INTS3: variants seen among roughly 807,000 people sequenced by gnomAD.
INTS3 encodes integrator complex subunit 3.
INTS3 carries 34 observed loss-of-function variants against 146.3 expected under a neutral mutation model. The ratio of observed to expected loss-of-function variants is 0.23; its 90% CI spans 0.18 to 0.31. The LOEUF is 0.31. INTS3 is among the 10% of genes least tolerant of loss of function. INTS3 has a pLI of 1.00. For missense variants in INTS3, 757 were observed against 1,304.2 expected (o/e 0.58, Z 6.46); for synonymous variants, 475 against 494.9 (o/e 0.96, Z 0.53).
In INTS3 at chr1:153,758,526, T is replaced by A. The variant is rs114718159; in HGVS notation, c.1149+763T>A. On this transcript the variant is annotated intron_variant, in intron 10 of 29. Coordinates refer to ENST00000318967, the MANE Select transcript of INTS3 (RefSeq NM_023015.5). ...GCTGGATGTATCAAGAACCCAGGCC[T>A]GCCGAGCACGGTGGCTCACGCCTGT... Among the ~76,000 whole-genome samples the A allele has an allele frequency of 5.9e-5, 9 of 152,214 alleles. No individual in the cohort carries two copies. In the East Asian group the frequency reaches 1.7e-3, roughly 29 times the overall value.
At chr1:153,754,466 C>A (rs1434141730) in intron 8 of INTS3, among the ~76,000 whole-genome samples, 176 bp from the exon 9 acceptor site, 1 of 152,186 alleles carries the variant, frequency 6.6e-6, no homozygotes, top group East Asian at 1.9e-4. Flanking sequence ...TGGAGCAGAA[C>A]ACGTAAGTGC....
rs567852774 is a variant in INTS3 at position 153,767,873 on chromosome 1, C to T, written c.2244+46C>T. On this transcript the variant is annotated intron_variant, in intron 21 of 29. Transcript: ENST00000318967. Reference sequence around the variant, plus strand: ...CTGTGCCGGGGGGCTCACAGGAACACACCTCAGTGAACACTCTGAGTACAC... The same window carrying T: ...CTGTGCCGGGGGGCTCACAGGAACATACCTCAGTGAACACTCTGAGTACAC... 3.1e-5 allele frequency: 48 copies of T among 1,546,390 alleles called. No individual in the cohort carries two copies. In the South Asian group the frequency reaches 4.7e-4, roughly 15 times the overall value.
chr1:153,751,466 C>T (rs1186949094), intron 7 of INTS3, among the ~76,000 whole-genome samples: 1 of 152,162 alleles, frequency 6.6e-6, no homozygotes, highest in Non-Finnish European at 1.5e-5. Context: ...TTTGGGATTT[C>T]CCTGGTCAGC....
intron 22 of INTS3, 131 bp from the exon 23 acceptor site, chr1:153,769,638 C>T: frequency 1.5e-6 from 1 of 647,024 alleles, no homozygotes; most frequent in Admixed American, 2.6e-5. Context: ...CCTTCCCATT[C>T]CTTTAAACTG....
In INTS3 at chr1:153,758,495, T is replaced by C. The variant is rs568390029; in HGVS notation, c.1149+732T>C. ...TTGTCCCCTATGGGAATCAGAGATA[T>C]GAACTGCTGGATGTATCAAGAACCC... On this transcript the variant is annotated intron_variant, in intron 10 of 29. Coordinates refer to ENST00000318967, the MANE Select transcript of INTS3 (RefSeq NM_023015.5). Among the ~76,000 whole-genome samples, 26 of 152,286 alleles carry C rather than the reference T, an allele frequency of 1.7e-4. No individual in the cohort carries two copies. The East Asian group carries it at 5.0e-3, about 29-fold the overall frequency.
rs1006556411 is a variant in INTS3 at position 153,772,270 on chromosome 1, C to A, written c.2721-70C>A. The A allele has an allele frequency of 3.3e-6, 5 of 1,534,680 alleles. No individual in the cohort carries two copies. The highest frequency in any genetic ancestry group is 2.3e-5 in the East Asian group (1 of 44,346). On this transcript the variant is annotated intron_variant, in intron 26 of 29. Transcript: ENST00000318967. This position sits in a 1 kb window ranked among gnomAD's most constrained non-coding sequence, Gnocchi z 4.6. Reference sequence around the variant, plus strand: ...TGCCTCTGTCTTAAGGGGGCCCTGGCGGGTGGAGGGTGTCTCGCACTCTGG... The same window carrying A: ...TGCCTCTGTCTTAAGGGGGCCCTGGAGGGTGGAGGGTGTCTCGCACTCTGG...
At chr1:153,763,955 AG>A (rs1224510664) in intron 17 of INTS3, 69 bp downstream of exon 17, 1 of 1,483,634 alleles carries the variant, frequency 6.7e-7, no homozygotes, top group African/African-American at 1.4e-5. Flanking sequence ...CTCCCAGGGA[AG>A]ACAACTCACT....
intron 9 of INTS3, 41 bp downstream of exon 9, chr1:153,754,780 G>C (rs1672099252): frequency 7.7e-7 from 1 of 1,298,348 alleles, no homozygotes; most frequent in African/African-American, 1.5e-5. Context: ...GTCACACGCT[G>C]GCTGGGCTTC....
intron 3 of INTS3, among the ~76,000 whole-genome samples, chr1:153,746,072 A>G (rs1671723708): frequency 6.6e-6 from 1 of 152,230 alleles, no homozygotes; most frequent in South Asian, 2.1e-4. Flanking sequence ...GACCCCAAGT[A>G]TAAAAAAACT....
Position 153,773,314 on chromosome 1 carries a change from C to T in INTS3, c.*44C>T. Reference sequence around the variant, plus strand: ...CCACCCCCGGCTGGACTGCCCTCTCCTTCTTGGTGATTCAAAGGTTAATAG... The same window carrying T: ...CCACCCCCGGCTGGACTGCCCTCTCTTTCTTGGTGATTCAAAGGTTAATAG... On this transcript the variant is annotated 3_prime_UTR_variant, in exon 30 of 30. Coordinates refer to ENST00000318967, the MANE Select transcript of INTS3 (RefSeq NM_023015.5). 6.5e-7 allele frequency: 1 copy of T among 1,545,744 alleles called. No individual in the cohort carries two copies. The highest frequency in any genetic ancestry group is 8.9e-7 in the Non-Finnish European group (1 of 1,117,716).
intron 1 of INTS3, among the ~76,000 whole-genome samples, chr1:153,731,023 A>C (rs1671039817): frequency 6.6e-6 from 1 of 152,076 alleles, no homozygotes; most frequent in Non-Finnish European, 1.5e-5. Context: ...TTCCCATCAC[A>C]GACCTACCTA....
At position 153,773,279 on chromosome 1, in the gene INTS3, A is replaced by C. The variant is rs1343746269; in HGVS notation, c.*9A>C. On this transcript the variant is annotated 3_prime_UTR_variant, in exon 30 of 30. Coordinates refer to ENST00000318967, the MANE Select transcript of INTS3 (RefSeq NM_023015.5). ...GCTCTGACAGTGACTGAGGCCCTGC[A>C]TTCCCCATCCCACCCCCGGCTGGAC... 2 of 1,612,780 alleles carry C rather than the reference A, an allele frequency of 1.2e-6. No homozygotes were observed. Among genetic ancestry groups the C allele is most frequent in the South Asian group, 1.1e-5 (1 of 91,054 alleles).
At position 153,764,745 on chromosome 1, in the gene INTS3, A is replaced by G; in HGVS notation, c.1970+11A>G. On this transcript the variant is annotated intron_variant, in intron 19 of 29. Transcript: ENST00000318967. ...GTACCTAATATTTAGGTAAGCACGC[A>G]GCTATAGGAGATACTGTTCTACCCT... The G allele has an allele frequency of 1.3e-6, 2 of 1,599,680 alleles. No homozygotes were observed. Among genetic ancestry groups the G allele is most frequent in the South Asian group, 2.2e-5 (2 of 90,768 alleles).
chr1:153,767,621 T>A, intron 20 of INTS3, 53 bp from the exon 21 acceptor site: 1 of 1,502,946 alleles, frequency 6.7e-7, no homozygotes, highest in South Asian at 1.3e-5. Flanking sequence ...CGGGGATGCT[T>A]GAAGGTGGGC....
intron 1 of INTS3, among the ~76,000 whole-genome samples, chr1:153,729,166 ATGTT>A (rs1670971956): frequency 6.6e-6 from 1 of 152,166 alleles, no homozygotes; most frequent in South Asian, 2.1e-4. Flanking sequence ...GTCTGTGTAG[ATGTT>A]TGGGGGCTGG....
chr1:153,768,996 G>T lies in INTS3; in HGVS notation c.2313+35G>T, dbSNP rs1055520954. ...GAGCTCTGACCTCCCCAGAAGATCT[G>T]GGAGGCAGCATTAGGGACATAGGGC... On this transcript the variant is annotated intron_variant, in intron 22 of 29. Transcript: ENST00000318967. 4 of 1,566,834 alleles carry T rather than the reference G, an allele frequency of 2.6e-6. No homozygotes were observed. In the East Asian group the frequency reaches 9.0e-5, roughly 35 times the overall value.
intron 15 of INTS3, 30 bp from the exon 16 acceptor site, chr1:153,763,203 C>T (rs761240062): frequency 1.9e-6 from 3 of 1,614,078 alleles, no homozygotes; most frequent in African/African-American, 2.7e-5. Flanking sequence ...TCTGGGCAAA[C>T]TGACTTCTTT....
rs1395560510 is a variant in INTS3 at position 153,761,809 on chromosome 1, T to C, written c.1516+133T>C. The C allele has an allele frequency of 1.4e-5, 8 of 571,152 alleles. No homozygotes were observed. The East Asian group carries it at 2.1e-4, about 15-fold the overall frequency. 35.4% of individuals were successfully genotyped at this position (571,152 alleles called of 1,614,324 possible). A position where few individuals can be genotyped will look rare whatever the true frequency, so the allele number is the denominator to read the frequency against. On this transcript the variant is annotated intron_variant, in intron 14 of 29. Coordinates refer to ENST00000318967, the MANE Select transcript of INTS3 (RefSeq NM_023015.5). ...GACACTGTCCATCACAGTTTTTCCT[T>C]CCTCAGTTTATCTTTTTTATTCATT...
intron 7 of INTS3, 30 bp from the exon 8 acceptor site, chr1:153,752,249 C>T (rs947836189): frequency 6.2e-7 from 1 of 1,609,144 alleles, no homozygotes. Flanking sequence ...TATTCTCTTT[C>T]CTGTCCCCCA....
Sources: allele counts gnomAD v4.1 joint callset (sites outside exome capture counted in the v4.1 genomes callset), GRCh38; gene constraint gnomAD v4.1.1; non-coding constraint Gnocchi (gnomAD v3.1); transcripts MANE v1.5; gene names NCBI Gene and HGNC (gene_info 2026-07-23, HGNC 2026-07-21).